Variants in PRKG1 observed in about 807,000 individuals in gnomAD.
PRKG1 encodes cGMP-dependent protein kinase 1.
PRKG1 carries 35 observed loss-of-function variants against 88.1 expected under a neutral mutation model. That is an observed-to-expected ratio of 0.40 (90% CI 0.30 to 0.53). The LOEUF is 0.53. Among genes scored for constraint, PRKG1 ranks in the 20% least tolerant of loss-of-function variants. PRKG1 has a pLI of 0.59. For missense variants in PRKG1, 540 were observed against 839.8 expected (o/e 0.64, Z 4.41); for synonymous variants, 303 against 292.5 (o/e 1.04, Z -0.37).
intron 2 of PRKG1, among the ~76,000 whole-genome samples, chr10:51,204,991 T>TA (rs1484613379): frequency 6.6e-6 from 1 of 152,058 alleles, no homozygotes; most frequent in Non-Finnish European, 1.5e-5. Flanking sequence ...TGGATTTGCT[T>TA]AGATTATTGC....
intron 3 of PRKG1, among the ~76,000 whole-genome samples, chr10:51,667,772 T>C (rs12266709): frequency 0.014 from 2,072 of 152,278 alleles, 47 homozygotes; most frequent in African/African-American, 0.045. Context: ...ACTAAATCTT[T>C]CAAAGATTCC....
chr10:52,166,916 C>CACACACAT (rs1270668081), intron 9 of PRKG1, among the ~76,000 whole-genome samples: 87 of 127,906 alleles, frequency 6.8e-4, no homozygotes, highest in African/African-American at 2.5e-3. Context: ...CACACACACA[C>CACACACAT]ATATATATAA....
chr10:52,268,682 T>A (rs1589747422), intron 10 of PRKG1, among the ~76,000 whole-genome samples: 1 of 151,820 alleles, frequency 6.6e-6, no homozygotes, highest in Non-Finnish European at 1.5e-5. Flanking sequence ...TGGAAATAGC[T>A]TGGGCCAAAA....
chr10:52,288,633 G>T (rs1842172708), intron 14 of PRKG1, 93 bp from the exon 15 acceptor site: 2 of 1,318,136 alleles, frequency 1.5e-6, no homozygotes, highest in Non-Finnish European at 2.0e-6. Flanking sequence ...CCCCAAATAT[G>T]AATTGATGTC....
intron 3 of PRKG1, among the ~76,000 whole-genome samples, chr10:51,742,399 T>G (rs947574830): frequency 2.0e-5 from 3 of 152,194 alleles, no homozygotes; most frequent in Admixed American, 2.0e-4. Flanking sequence ...ACTATTTGGT[T>G]TGCCGCTTAA....
chr10:52,150,156 A>C (rs1837865226), intron 8 of PRKG1, among the ~76,000 whole-genome samples: 1 of 73,632 alleles, frequency 1.4e-5, no homozygotes, highest in African/African-American at 3.4e-5. Context: ...TCAAAATAAT[A>C]ATAATAATAA....
chr10:51,463,354 G>C (rs751271475), intron 2 of PRKG1, among the ~76,000 whole-genome samples: 1 of 152,146 alleles, frequency 6.6e-6, no homozygotes, highest in African/African-American at 2.4e-5. Flanking sequence ...AAAGCATGCT[G>C]TATATTCAGC....
At chr10:52,285,282 G>A (rs573946730) in intron 14 of PRKG1, among the ~76,000 whole-genome samples, 11 of 152,178 alleles carry the variant, frequency 7.2e-5, no homozygotes, top group African/African-American at 2.6e-4. Context: ...CTAGTGATTG[G>A]CATTTATTGG....
intron 3 of PRKG1, among the ~76,000 whole-genome samples, chr10:51,682,236 A>G (rs1330846254): frequency 6.6e-6 from 1 of 152,214 alleles, no homozygotes; most frequent in East Asian, 1.9e-4. Flanking sequence ...TCAACTTTGT[A>G]TTAGATTTCT....
intron 7 of PRKG1, among the ~76,000 whole-genome samples, chr10:52,082,498 G>A (rs987368363): frequency 6.6e-6 from 1 of 152,148 alleles, no homozygotes; most frequent in African/African-American, 2.4e-5. Context: ...TGTTACCAAT[G>A]TGGTGGCATG....
intron 3 of PRKG1, among the ~76,000 whole-genome samples, chr10:51,513,414 A>G: frequency 9.1e-6 from 1 of 109,414 alleles, no homozygotes; most frequent in Non-Finnish European, 1.9e-5. Context: ...TTAACACCCC[A>G]CTGTCAACAT....
At chr10:51,684,627 T>C (rs556585667) in intron 3 of PRKG1, among the ~76,000 whole-genome samples, 153 of 152,200 alleles carry the variant, frequency 1.0e-3, no homozygotes, top group Non-Finnish European at 1.9e-3. Flanking sequence ...CCCAGCACTT[T>C]GGGAGGCCGG....
At chr10:51,122,350 C>T (rs1401217867) in intron 1 of PRKG1, among the ~76,000 whole-genome samples, 4 of 152,140 alleles carry the variant, frequency 2.6e-5, no homozygotes, top group Non-Finnish European at 5.9e-5. Context: ...GCCACATGGA[C>T]ACAATATCAA....
intron 3 of PRKG1, among the ~76,000 whole-genome samples, chr10:51,795,708 C>T (rs1838992206): frequency 1.3e-5 from 2 of 152,032 alleles, no homozygotes; most frequent in Admixed American, 1.3e-4. Flanking sequence ...AATACAGCTT[C>T]TGGGATTCCT....
At chr10:51,762,079 T>G (rs1340685919) in intron 3 of PRKG1, among the ~76,000 whole-genome samples, 1 of 152,202 alleles carries the variant, frequency 6.6e-6, no homozygotes, top group Non-Finnish European at 1.5e-5. Flanking sequence ...AAGAGAATTT[T>G]CACTGAGTTA....
chr10:51,393,806 A>G (rs1837504504), intron 2 of PRKG1, among the ~76,000 whole-genome samples: 1 of 152,190 alleles, frequency 6.6e-6, no homozygotes, highest in Non-Finnish European at 1.5e-5. Flanking sequence ...GAAAAATACT[A>G]GATAGTACAC....
At chr10:51,688,796 T>C (rs1227631182) in intron 3 of PRKG1, among the ~76,000 whole-genome samples, 1 of 152,078 alleles carries the variant, frequency 6.6e-6, no homozygotes, top group Non-Finnish European at 1.5e-5. Context: ...AATCAATCTA[T>C]ATAAAACAAA....
At chr10:51,739,937 T>G (rs1837389256) in intron 3 of PRKG1, among the ~76,000 whole-genome samples, 1 of 152,210 alleles carries the variant, frequency 6.6e-6, no homozygotes. Flanking sequence ...CAAAACCCTA[T>G]CTCAAAACAA....
chr10:52,194,465 G>A (rs1300572773), intron 9 of PRKG1, among the ~76,000 whole-genome samples: 1 of 152,134 alleles, frequency 6.6e-6, no homozygotes, highest in Admixed American at 6.5e-5. Context: ...AAATACTTAG[G>A]ATTAGTAAGA....
Sources: gnomAD v4.1 joint callset for allele counts (sites outside exome capture counted in the v4.1 genomes callset) on GRCh38, gnomAD v4.1.1 for gene constraint, MANE v1.5 for transcripts, NCBI Gene and HGNC (gene_info 2026-07-23, HGNC 2026-07-21) for gene names.